CACNA1I: variants seen among roughly 807,000 people sequenced by gnomAD.
CACNA1I encodes the protein voltage-dependent T-type calcium channel subunit alpha-1I.
In CACNA1I, 74 loss-of-function variants were observed where a neutral mutation model predicts 201.6. That is an observed-to-expected ratio of 0.37 (90% CI 0.30 to 0.45). CACNA1I has a LOEUF of 0.45. Among genes scored for constraint, CACNA1I ranks in the 20% least tolerant of loss-of-function variants. CACNA1I has a pLI of 1.00. For synonymous variants in CACNA1I, 1,431 were observed against 1,345.2 expected, an observed-to-expected ratio of 1.06 and a Z score of -1.40; for missense variants, 2,346 against 3,138.1, an observed-to-expected ratio of 0.75 and a Z score of 6.03.
At position 39,629,146 on chromosome 22, in the gene CACNA1I, T is replaced by C. The variant is rs1933981130; in HGVS notation, c.581-5419T>C. 6.6e-6 allele frequency among the ~76,000 whole-genome samples: 1 copy of C among 152,114 alleles called. No homozygotes were observed. Among genetic ancestry groups the C allele is most frequent in the Non-Finnish European group, 1.5e-5 (1 of 68,014 alleles). On this transcript the variant is annotated intron_variant, in intron 4 of 36. Transcript: ENST00000402142. The surrounding 1 kb of genome is among the most constrained non-coding windows in gnomAD (Gnocchi z 4.8). Reference sequence around the variant, plus strand: ...AGCTCCATCCACTTGCCCGCTGCCATCTGCCACCACCAAGCCCCTAGCTTT... The same window carrying C: ...AGCTCCATCCACTTGCCCGCTGCCACCTGCCACCACCAAGCCCCTAGCTTT...
intron 4 of CACNA1I, among the ~76,000 whole-genome samples, chr22:39,620,722 GGTT>G (rs1388228833): frequency 1.3e-5 from 2 of 150,550 alleles, no homozygotes; most frequent in Non-Finnish European, 3.0e-5. Context: ...CTGCCTTCCT[GGTT>G]TTTTTTTGTT....
Position 39,679,374 on chromosome 22 carries a change from G to A in CACNA1I, c.5323G>A (p.Gly1775Arg), listed in dbSNP as rs1466909160. 1 of 1,518,476 alleles carries A rather than the reference G, an allele frequency of 6.6e-7. No individual in the cohort carries two copies. The highest frequency in any genetic ancestry group is 2.5e-5 in the East Asian group (1 of 39,340). The allele number at this position is 1,518,476 out of a possible 1,614,324, so 94.1% of individuals were successfully genotyped here. A position where few individuals can be genotyped will look rare whatever the true frequency, so the allele number is the denominator to read the frequency against. The stretch of plus-strand genomic sequence containing the variant: ...CGGCTCCCCGGGCGCCCCTGGCCGA[G>A]GGCCGGGAGGGGCGGGCGGCGGGGG... ...PTGSPGAPGR[G>R]PGGAGGGGDT... The change falls in exon 32 of 37, where the codon GGG becomes AGG. Residue 1775 changes from glycine (G) to arginine (R), a missense_variant. Physicochemically the swap from Gly to Arg is moderately radical, Grantham distance 125. Transcript: ENST00000402142.
intron 3 of CACNA1I, among the ~76,000 whole-genome samples, chr22:39,608,116 C>CA (rs147887508): frequency 4.2e-4 from 45 of 106,660 alleles, no homozygotes; most frequent in East Asian, 1.3e-3. Context: ...ACTCCATCTC[C>CA]AAAAAAAAAA....
chr22:39,616,460 A>G (rs1339337584), intron 3 of CACNA1I, among the ~76,000 whole-genome samples: 1 of 152,128 alleles, frequency 6.6e-6, no homozygotes, highest in Non-Finnish European at 1.5e-5. Context: ...AGAAACACAA[A>G]GTGTAAGAAA....
At chr22:39,668,517 C>T (rs1935264867) in intron 24 of CACNA1I, 136 bp downstream of exon 24, 2 of 638,976 alleles carry the variant, frequency 3.1e-6, no homozygotes, top group Non-Finnish European at 5.8e-6. Flanking sequence ...GCACAGCCCA[C>T]TCCTCACATC....
chr22:39,646,835 G>GGCCCCC lies in CACNA1I; in HGVS notation c.1420_1425dup (p.Pro474_Ala475dup). On this transcript the variant is annotated inframe_insertion, in exon 8 of 37. Transcript: ENST00000402142. ...GCCAGGCCCTGGGCCCGGAGGCCCC[G>GGCCCCC]GCCCCCGCCAAACCTGGGCCCCACG... 3.3e-6 allele frequency: 5 copies of GGCCCCC among 1,536,010 alleles called. No homozygotes were observed. Among genetic ancestry groups the GGCCCCC allele is most frequent in the Non-Finnish European group, 4.4e-6 (5 of 1,141,434 alleles).
At chr22:39,682,466 C>T (rs1935732701) in intron 34 of CACNA1I, 30 bp from the exon 35 acceptor site, 1 of 1,606,304 alleles carries the variant, frequency 6.2e-7, no homozygotes. Context: ...CTTCCCAGTC[C>T]TGCCCCATCC....
chr22:39,586,804 G>A (rs1364190479), intron 1 of CACNA1I, among the ~76,000 whole-genome samples: 5 of 152,172 alleles, frequency 3.3e-5, no homozygotes, highest in African/African-American at 9.7e-5. Flanking sequence ...CACACTGGTC[G>A]AGCCCTCACC....
chr22:39,589,175 G>A (rs542837304), intron 1 of CACNA1I, among the ~76,000 whole-genome samples: 1 of 152,306 alleles, frequency 6.6e-6, no homozygotes, highest in Admixed American at 6.5e-5. Flanking sequence ...AATCATCCCT[G>A]GTTGAAAACC....
At chr22:39,601,498 A>G (rs1469525448) in intron 3 of CACNA1I, among the ~76,000 whole-genome samples, 1 of 152,160 alleles carries the variant, frequency 6.6e-6, no homozygotes, top group Non-Finnish European at 1.5e-5. Context: ...ATGAGGAGAC[A>G]TTAACCATGC....
At chr22:39,638,227 A>G (rs909025473) in intron 5 of CACNA1I, among the ~76,000 whole-genome samples, 5 of 152,260 alleles carry the variant, frequency 3.3e-5, no homozygotes, top group Admixed American at 6.5e-5. Context: ...GGCGTGAGCC[A>G]CTGCGCCTGG....
At position 39,686,830 on chromosome 22, in the gene CACNA1I, G is replaced by A. The variant is rs1221201863; in HGVS notation, c.*425G>A. 1 of 151,708 alleles carries A rather than the reference G, an allele frequency of 6.6e-6. No individual in the cohort carries two copies. Among genetic ancestry groups the A allele is most frequent in the Non-Finnish European group, 1.5e-5 (1 of 67,914 alleles). 9.4% of individuals were successfully genotyped at this position (151,708 alleles called of 1,614,324 possible). A position where few individuals can be genotyped will look rare whatever the true frequency, so the allele number is the denominator to read the frequency against. ...CCCAGGGCACATGTCCTGCGGGGGC[G>A]TCCCAGCTGTGTTTTTTGATGTCTC... On this transcript the variant is annotated 3_prime_UTR_variant, in exon 37 of 37. Coordinates refer to ENST00000402142, the MANE Select transcript of CACNA1I (RefSeq NM_021096.4).
intron 3 of CACNA1I, among the ~76,000 whole-genome samples, chr22:39,614,004 A>AT (rs914227399): frequency 2.0e-5 from 3 of 151,482 alleles, no homozygotes; most frequent in South Asian, 2.1e-4. Flanking sequence ...TGCCCAGCTA[A>AT]TTTTTTTTTA....
chr22:39,685,386 G>T lies in CACNA1I; in HGVS notation c.6028-375G>T, dbSNP rs1240292508. ...GGGCCGGAGCAAGTGGGAGGGACCG[G>T]AACCAGTGGGAGCAGCCAAGGCTGG... On this transcript the variant is annotated intron_variant, in intron 36 of 36. Coordinates refer to ENST00000402142, the MANE Select transcript of CACNA1I (RefSeq NM_021096.4). This position sits in a 1 kb window ranked among gnomAD's most constrained non-coding sequence, Gnocchi z 5.0. Among the ~76,000 whole-genome samples the T allele has an allele frequency of 7.2e-6, 1 of 139,632 alleles. No individual in the cohort carries two copies. The highest frequency in any genetic ancestry group is 2.6e-5 in the African/African-American group (1 of 37,820). 91.6% of individuals were successfully genotyped at this position (139,632 alleles called of 152,430 possible).
At chr22:39,606,182 A>G (rs1933214790) in intron 3 of CACNA1I, among the ~76,000 whole-genome samples, 1 of 152,160 alleles carries the variant, frequency 6.6e-6, no homozygotes, top group African/African-American at 2.4e-5. Flanking sequence ...CTTATGGGGT[A>G]GAGAGAATGG....
intron 10 of CACNA1I, among the ~76,000 whole-genome samples, chr22:39,651,275 CCTT>C (rs1343213347): frequency 6.6e-6 from 1 of 152,222 alleles, no homozygotes; most frequent in African/African-American, 2.4e-5. Context: ...CTGCGGCCCT[CCTT>C]CTGTGGAGGC....
At position 39,628,815 on chromosome 22, in the gene CACNA1I, C is replaced by T. The variant is rs373156709; in HGVS notation, c.581-5750C>T. ...AGAGTGGCCCCCAGTGGCCAGGCCA[C>T]AGCCTCGGCTCCCCTCGCCCCGACT... is the stretch of plus-strand genomic sequence containing the variant. On this transcript the variant is annotated intron_variant, in intron 4 of 36. Transcript: ENST00000402142. 2.0e-3 allele frequency among the ~76,000 whole-genome samples: 302 copies of T among 152,316 alleles called. 3 individuals carry two copies. The highest frequency in any genetic ancestry group is 7.0e-3 in the African/African-American group (292 of 41,576).
Position 39,570,899 on chromosome 22 carries a change from C to T in CACNA1I, c.147C>T (p.Val49=), listed in dbSNP as rs927246491. Residue 49 remains valine (V), a synonymous_variant, in exon 1 of 37, where the codon GTC becomes GTT. Transcript: ENST00000402142. ...EEPLDGADPH[V]PHPDLAPIAF... ...CTCTGGATGGAGCTGATCCTCATGT[C>T]CCACACCCAGACCTGGCGCCTATTG... The T allele has an allele frequency of 1.9e-6, 3 of 1,613,768 alleles. No homozygotes were observed. The highest frequency in any genetic ancestry group is 2.5e-6 in the Non-Finnish European group (3 of 1,179,870).
rs1406193149 is a variant in CACNA1I, at chr22:39,677,035, A to T, written c.4855-306A>T. Among the ~76,000 whole-genome samples the T allele has an allele frequency of 6.6e-6, 1 of 152,196 alleles. No homozygotes were observed. Among genetic ancestry groups the T allele is most frequent in the Non-Finnish European group, 1.5e-5 (1 of 68,036 alleles). On this transcript the variant is annotated intron_variant, in intron 29 of 36. Transcript: ENST00000402142. The surrounding 1 kb of genome is among the most constrained non-coding windows in gnomAD (Gnocchi z 4.8). ...CTCCTTCTTCTTCTGAAGAATGGGG[A>T]TAAAAGATAGTTCGTGGATTATTGT...
Sources: allele counts gnomAD v4.1 joint callset (sites outside exome capture counted in the v4.1 genomes callset), GRCh38; gene constraint gnomAD v4.1.1; non-coding constraint Gnocchi (gnomAD v3.1); transcripts MANE v1.5; gene names NCBI Gene and HGNC (gene_info 2026-07-23, HGNC 2026-07-21).